ABLIM3: variants seen among roughly 807,000 people sequenced by gnomAD.
ABLIM3 encodes actin-binding LIM protein 3.
A neutral mutation model predicts 109.5 loss-of-function variants in ABLIM3; 61 were observed. That is an observed-to-expected ratio of 0.56 (90% CI 0.45 to 0.69). ABLIM3 has a LOEUF of 0.69. Among genes scored for constraint, ABLIM3 ranks in the 30% least tolerant of loss-of-function variants. The probability of loss-of-function intolerance (pLI) is 0.00; values close to 1 mark genes in which losing one functional copy is unlikely to be tolerated. For missense variants in ABLIM3, 796 were observed against 889.5 expected, an observed-to-expected ratio of 0.89 and a Z score of 1.34; for synonymous variants, 300 against 324.8, an observed-to-expected ratio of 0.92 and a Z score of 0.82.
chr5:149,185,397 T>C (rs1183914627), intron 3 of ABLIM3, among the ~76,000 whole-genome samples: 1 of 152,172 alleles, frequency 6.6e-6, no homozygotes, highest in East Asian at 1.9e-4. Context: ...CAAGCTTTAA[T>C]AGGTAAGACC....
intron 8 of ABLIM3, among the ~76,000 whole-genome samples, chr5:149,225,980 G>A (rs2963501): frequency 0.01 from 226 of 21,754 alleles, no homozygotes; most frequent in African/African-American, 0.033. Context: ...GTGTGTGTGT[G>A]TGTATATATA....
chr5:149,193,057 G>A (rs1003161520), intron 3 of ABLIM3, among the ~76,000 whole-genome samples: 1 of 152,022 alleles, frequency 6.6e-6, no homozygotes, highest in South Asian at 2.1e-4. Context: ...TGCAATGTAT[G>A]AACCTTGATA....
At chr5:149,148,855 A>G (rs1753168668) in intron 2 of ABLIM3, among the ~76,000 whole-genome samples, 1 of 151,890 alleles carries the variant, frequency 6.6e-6, no homozygotes, top group African/African-American at 2.4e-5. Flanking sequence ...CCCTTTCCCC[A>G]CTAGCACCAG....
chr5:149,251,301 T>C (rs989452857), intron 20 of ABLIM3, 58 bp from the exon 21 acceptor site: 126 of 1,604,108 alleles, frequency 7.9e-5, no homozygotes, highest in Non-Finnish European at 1.0e-4. Flanking sequence ...GGGTGAGTGC[T>C]TCAGGGAGGC....
In ABLIM3 at chr5:149,225,982, G is replaced by GTA. The variant is rs58844908; in HGVS notation, c.758-4623_758-4622dup. Among the ~76,000 whole-genome samples the GTA allele has an allele frequency of 8.5e-3, 386 of 45,462 alleles. 2 individuals carry two copies. Among genetic ancestry groups the GTA allele is most frequent in the Admixed American group, 0.015 (47 of 3,110 alleles). 29.8% of individuals were successfully genotyped at this position (45,462 alleles called of 152,430 possible). ...TATGTGTGTGTGTGTGTGTGTGTGTGTATATATATATATATATATATATAT... is the reference window on the plus strand; with the variant it reads ...TATGTGTGTGTGTGTGTGTGTGTGTGTATATATATATATATATATATATATAT... On this transcript the variant is annotated intron_variant, in intron 8 of 23. Coordinates refer to ENST00000309868, the MANE Select transcript of ABLIM3 (RefSeq NM_014945.5).
intron 16 of ABLIM3, among the ~76,000 whole-genome samples, chr5:149,245,226 C>T (rs1432217273): frequency 6.6e-6 from 1 of 152,212 alleles, no homozygotes; most frequent in African/African-American, 2.4e-5. Flanking sequence ...CAGACCAGGT[C>T]CCTGCCCTTG....
At chr5:149,204,834 C>G (rs1408053245) in intron 5 of ABLIM3, among the ~76,000 whole-genome samples, 1 of 152,254 alleles carries the variant, frequency 6.6e-6, no homozygotes, top group East Asian at 1.9e-4. Flanking sequence ...CACTCCAACT[C>G]TCAGCCCAGC....
chr5:149,258,447 T>C lies in ABLIM3; in HGVS notation c.*43T>C. 1 of 1,573,708 alleles carries C rather than the reference T, an allele frequency of 6.4e-7. No homozygotes were observed. The highest frequency in any genetic ancestry group is 2.4e-5 in the East Asian group (1 of 41,420). Reference sequence around the variant, plus strand: ...ATATATGCATTTATATAAAGATATATGTAAAATCTCTCTACTGAAGCTCGG... The same window carrying C: ...ATATATGCATTTATATAAAGATATACGTAAAATCTCTCTACTGAAGCTCGG... On this transcript the variant is annotated 3_prime_UTR_variant, in exon 24 of 24. Transcript: ENST00000309868.
intron 2 of ABLIM3, chr5:149,177,047 C>G (rs989636991): frequency 6.6e-6 from 1 of 152,176 alleles, no homozygotes; most frequent in Admixed American, 6.5e-5. Flanking sequence ...TAAGTGAAAC[C>G]GCTGGACCAA....
At chr5:149,232,677 G>A (rs1199312957) in intron 9 of ABLIM3, among the ~76,000 whole-genome samples, 3 of 152,146 alleles carry the variant, frequency 2.0e-5, no homozygotes, top group Admixed American at 6.5e-5. Context: ...CATCAGGCAG[G>A]CACCCTCTTA....
chr5:149,174,194 C>T (rs1188982571), intron 2 of ABLIM3, among the ~76,000 whole-genome samples: 7 of 151,944 alleles, frequency 4.6e-5, no homozygotes, highest in Non-Finnish European at 1.5e-5. Context: ...GGTTTGCATT[C>T]CATGCGTGGT....
At chr5:149,194,950 C>T (rs1757815447) in intron 3 of ABLIM3, among the ~76,000 whole-genome samples, 1 of 152,148 alleles carries the variant, frequency 6.6e-6, no homozygotes, top group African/African-American at 2.4e-5. Flanking sequence ...ATATTCTATA[C>T]ATTTTCTCTA....
intron 12 of ABLIM3, 133 bp from the exon 13 acceptor site, chr5:149,239,625 GA>G (rs1752586674): frequency 8.0e-7 from 1 of 1,243,526 alleles, no homozygotes; most frequent in Non-Finnish European, 1.1e-6. Context: ...ACTCAGGGAG[GA>G]GGGGGGTCTC....
Position 149,259,304 on chromosome 5 carries a change from A to C in ABLIM3, c.*900A>C. 2 of 1,385,198 alleles carry C rather than the reference A, an allele frequency of 1.4e-6. No individual in the cohort carries two copies. Among genetic ancestry groups the C allele is most frequent in the Non-Finnish European group, 1.9e-6 (2 of 1,070,324 alleles). The allele number at this position is 1,385,198 out of a possible 1,614,324, so 85.8% of individuals were successfully genotyped here. A position where few individuals can be genotyped will look rare whatever the true frequency, so the allele number is the denominator to read the frequency against. ...GGAGAAGCCCATGATTGCAGCTTGT[A>C]TTCTTTAGCCTTATTACAATCTATG... On this transcript the variant is annotated 3_prime_UTR_variant, in exon 24 of 24. Transcript: ENST00000309868.
chr5:149,191,251 G>T lies in ABLIM3; in HGVS notation c.152-6968G>T, dbSNP rs192572500. On this transcript the variant is annotated intron_variant, in intron 3 of 23. Transcript: ENST00000309868. ...TATTAAGAATTAAAATAGGGACATC[G>T]CTGTAGTTGCTATTAAAATTAAAGA... is the stretch of plus-strand genomic sequence containing the variant. Among the ~76,000 whole-genome samples the T allele has an allele frequency of 3.6e-3, 541 of 152,078 alleles. 3 individuals are homozygous for T. The highest frequency in any genetic ancestry group is 0.012 in the African/African-American group (505 of 41,450).
intron 3 of ABLIM3, among the ~76,000 whole-genome samples, chr5:149,194,890 T>C (rs929419525): frequency 6.6e-6 from 1 of 152,192 alleles, no homozygotes; most frequent in Non-Finnish European, 1.5e-5. Flanking sequence ...ATAAACTCGG[T>C]AGTGGGTACA....
chr5:149,192,978 C>T (rs1310394295), intron 3 of ABLIM3, among the ~76,000 whole-genome samples: 1 of 152,022 alleles, frequency 6.6e-6, no homozygotes, highest in Non-Finnish European at 1.5e-5. Context: ...TTAATAAATA[C>T]ATTGCAAGGA....
intron 3 of ABLIM3, among the ~76,000 whole-genome samples, chr5:149,184,949 A>G (rs998441949): frequency 6.6e-6 from 1 of 152,202 alleles, no homozygotes; most frequent in Admixed American, 6.5e-5. Context: ...TTTTATATTG[A>G]GTATTGGCAA....
At chr5:149,248,070 T>G in intron 18 of ABLIM3, 141 bp downstream of exon 18, 1 of 1,112,290 alleles carries the variant, frequency 9.0e-7, no homozygotes, top group East Asian at 2.6e-5. Flanking sequence ...AGCAGCCCTG[T>G]GGTGGGTGAC....
Sources: allele counts gnomAD v4.1 joint callset (sites outside exome capture counted in the v4.1 genomes callset), GRCh38; gene constraint gnomAD v4.1.1; transcripts MANE v1.5; gene names NCBI Gene and HGNC (gene_info 2026-07-23, HGNC 2026-07-21).